RPH3AL: variants seen among roughly 807,000 people sequenced by gnomAD.
RPH3AL encodes the protein rab effector Noc2.
RPH3AL carries 38 observed loss-of-function variants against 43.1 expected under a neutral mutation model. The observed-to-expected ratio is 0.88, with a 90% CI of 0.68 to 1.15. RPH3AL has a LOEUF of 1.15. Ranked by LOEUF, RPH3AL falls within the 50% of genes most tolerant of loss-of-function variation. RPH3AL has a pLI of 0.00. For missense variants in RPH3AL, 462 were observed against 423.2 expected, an observed-to-expected ratio of 1.09 and a Z score of -0.81; for synonymous variants, 189 against 176.3, an observed-to-expected ratio of 1.07 and a Z score of -0.57.
At chr17:318,842 A>G (rs2044377131) in intron 5 of RPH3AL, among the ~76,000 whole-genome samples, 1 of 152,240 alleles carries the variant, frequency 6.6e-6, no homozygotes, top group African/African-American at 2.4e-5. Flanking sequence ...CCAGGGATCA[A>G]GAGAAGCAGG....
At position 213,684 on chromosome 17, in the gene RPH3AL, G is replaced by C; in HGVS notation, c.*168C>G. On this transcript the variant is annotated 3_prime_UTR_variant, in exon 10 of 10. Coordinates refer to ENST00000331302, the MANE Select transcript of RPH3AL (RefSeq NM_006987.4). ...ATGCAGACAGCTCCCCAGGAGAGAA[G>C]GGGTGCAGAAAGGCACTGAGCTGGG... The C allele has an allele frequency of 1.5e-6, 1 of 648,726 alleles. No individual in the cohort carries two copies. Among genetic ancestry groups the C allele is most frequent in the Non-Finnish European group, 2.8e-6 (1 of 358,528 alleles). The allele number at this position is 648,726 out of a possible 1,614,324, so 40.2% of individuals were successfully genotyped here.
intron 7 of RPH3AL, among the ~76,000 whole-genome samples, chr17:244,320 T>G: frequency 6.6e-6 from 1 of 151,628 alleles, no homozygotes; most frequent in African/African-American, 2.4e-5. Context: ...CAACAGGGCA[T>G]GAGAAAGAAA....
At chr17:220,772 A>G (rs2040953318) in intron 7 of RPH3AL, among the ~76,000 whole-genome samples, 1 of 10,258 alleles carries the variant, frequency 9.7e-5, no homozygotes, top group Non-Finnish European at 1.7e-4. Context: ...CAAGCACATC[A>G]GCTCTGAGGC....
At chr17:315,654 C>A (rs1598098259) in intron 5 of RPH3AL, among the ~76,000 whole-genome samples, 1 of 147,122 alleles carries the variant, frequency 6.8e-6, no homozygotes, top group Non-Finnish European at 1.5e-5. Context: ...AGTCCCTGTG[C>A]TCCACCTCCA....
chr17:266,305 T>C (rs1321417489), intron 6 of RPH3AL, among the ~76,000 whole-genome samples: 2 of 151,596 alleles, frequency 1.3e-5, no homozygotes, highest in African/African-American at 4.9e-5. Flanking sequence ...GGGGTGTGTG[T>C]GTGTGCACCT....
At chr17:214,530 C>T (rs767381425) in intron 9 of RPH3AL, among the ~76,000 whole-genome samples, 8 of 152,158 alleles carry the variant, frequency 5.3e-5, no homozygotes, top group African/African-American at 1.4e-4. Context: ...CTTTGGGAGG[C>T]CAAGGTGGGA....
chr17:252,167 G>A (rs555029253), intron 6 of RPH3AL, among the ~76,000 whole-genome samples: 11 of 151,922 alleles, frequency 7.2e-5, no homozygotes, highest in African/African-American at 2.7e-4. Flanking sequence ...TAGAGATGGG[G>A]TTTTACCATG....
intron 4 of RPH3AL, among the ~76,000 whole-genome samples, chr17:321,060 C>T (rs1444596913): frequency 1.3e-5 from 2 of 152,212 alleles, no homozygotes; most frequent in African/African-American, 4.8e-5. Flanking sequence ...CCCCGTCTCA[C>T]AGAGGGGTGT....
In RPH3AL at chr17:278,160, C is replaced by T. The variant is rs117645134; in HGVS notation, c.438+3608G>A. On this transcript the variant is annotated intron_variant, in intron 6 of 9. Transcript: ENST00000331302. ...GTGGGAGGTAATTGAATCATGGGGG[C>T]GGTTCCCTCCATACTGTTCTCGTGA... 9.4e-4 allele frequency among the ~76,000 whole-genome samples: 143 copies of T among 152,064 alleles called. No individual in the cohort carries two copies. In the East Asian group the frequency reaches 0.021, roughly 22 times the overall value.
intron 7 of RPH3AL, among the ~76,000 whole-genome samples, chr17:238,706 G>A (rs1324768924): frequency 6.6e-6 from 1 of 152,198 alleles, no homozygotes; most frequent in East Asian, 1.9e-4. Context: ...CGCTACTCAA[G>A]TATGCCATGT....
At chr17:265,286 A>G (rs2042294090) in intron 6 of RPH3AL, among the ~76,000 whole-genome samples, 1 of 152,108 alleles carries the variant, frequency 6.6e-6, no homozygotes, top group Non-Finnish European at 1.5e-5. Context: ...AAGAGAGATG[A>G]GATTTCGCCA....
intron 6 of RPH3AL, among the ~76,000 whole-genome samples, chr17:265,541 T>C (rs1256429528): frequency 2.0e-5 from 3 of 152,258 alleles, no homozygotes; most frequent in African/African-American, 4.8e-5. Context: ...GATCTGCTGA[T>C]GGCTTTTTCT....
At chr17:304,784 G>A (rs778506341) in intron 5 of RPH3AL, among the ~76,000 whole-genome samples, 65 of 151,746 alleles carry the variant, frequency 4.3e-4, no homozygotes, top group African/African-American at 1.2e-3. Context: ...CCTGCCCCAC[G>A]GAGCCATTTA....
intron 2 of RPH3AL, among the ~76,000 whole-genome samples, chr17:329,581 ATGT>A (rs1567528360): frequency 2.0e-5 from 3 of 152,378 alleles, no homozygotes; most frequent in East Asian, 1.9e-4. Context: ...AATCTTTAAA[ATGT>A]TGTTAATTCA....
At chr17:339,265 G>A (rs1261359473) in intron 1 of RPH3AL, among the ~76,000 whole-genome samples, 3 of 152,254 alleles carry the variant, frequency 2.0e-5, no homozygotes, top group Admixed American at 1.3e-4. Flanking sequence ...CCAAATAAGT[G>A]AGAATGCCCA....
At chr17:247,069 A>G (rs1555540284) in intron 7 of RPH3AL, 42 bp downstream of exon 7, 5 of 1,611,984 alleles carry the variant, frequency 3.1e-6, no homozygotes, top group Non-Finnish European at 4.2e-6. Context: ...TAATGACCCA[A>G]ACTTTACAGG....
At chr17:302,159 C>A (rs113799599) in intron 5 of RPH3AL, among the ~76,000 whole-genome samples, 1 of 152,350 alleles carries the variant, frequency 6.6e-6, no homozygotes, top group South Asian at 2.1e-4. Flanking sequence ...GCGGCATCTG[C>A]GGACTGCGAG....
chr17:286,404 C>A (rs1235800395), intron 5 of RPH3AL, among the ~76,000 whole-genome samples: 2 of 151,438 alleles, frequency 1.3e-5, no homozygotes, highest in Non-Finnish European at 2.9e-5. Flanking sequence ...TCCACCTCAG[C>A]CATCCCCCTG....
At chr17:324,526 G>A (rs1234249662) in intron 3 of RPH3AL, among the ~76,000 whole-genome samples, 3 of 152,144 alleles carry the variant, frequency 2.0e-5, no homozygotes, top group Admixed American at 6.5e-5. Flanking sequence ...TTCCCCGCAC[G>A]GCGCCCTCGT....
Sources: gnomAD v4.1 joint callset for allele counts (sites outside exome capture counted in the v4.1 genomes callset) on GRCh38, gnomAD v4.1.1 for gene constraint, MANE v1.5 for transcripts, NCBI Gene and HGNC (gene_info 2026-07-23, HGNC 2026-07-21) for gene names.